Variants in WDR90 observed in about 807,000 individuals in gnomAD.
WDR90 encodes WD repeat-containing protein 90.
In WDR90, 238 loss-of-function variants were observed where a neutral mutation model predicts 195.2. The observed-to-expected ratio is 1.22, with a 90% CI of 1.10 to 1.36. The LOEUF is 1.36. Among genes scored for constraint, WDR90 ranks in the 40% most tolerant of loss-of-function variants. The pLI, the probability that WDR90 is intolerant of heterozygous loss-of-function variation, is 0.00. For missense variants in WDR90, 2,734 were observed against 2,439.5 expected (o/e 1.12, Z -2.54); for synonymous variants, 1,265 against 1,052.4 (o/e 1.20, Z -3.91).
Position 666,135 on chromosome 16 carries a change from G to C in WDR90, c.4609+11G>C. 1 of 1,608,114 alleles carries C rather than the reference G, an allele frequency of 6.2e-7. No homozygotes were observed. The highest frequency in any genetic ancestry group is 1.1e-5 in the South Asian group (1 of 90,986). On this transcript the variant is annotated intron_variant, in intron 36 of 40. Coordinates refer to ENST00000293879, the MANE Select transcript of WDR90 (RefSeq NM_145294.5). ...CCTTCTCCACCGATGGTGAGGAGTT[G>C]GGTGTGTTGGGGATGGTGCCGTCCT...
chr16:663,645 C>T (rs1328840005), intron 34 of WDR90: 1 of 154,124 alleles, frequency 6.5e-6, no homozygotes, highest in Admixed American at 6.4e-5. Context: ...CCAGCTCTGG[C>T]CTGCAGCCTC....
chr16:661,400 G>T lies in WDR90; in HGVS notation c.3572G>T (p.Trp1191Leu). 1 of 1,612,066 alleles carries T rather than the reference G, an allele frequency of 6.2e-7. No individual in the cohort carries two copies. ...ACCGCCCATTGTCAGATCCGCGTCT[G>T]GGACGTGTCTGGCGGCCTCTGCCAG... The part of the protein sequence containing the change: ...STTAHCQIRV[W>L]DVSGGLCQHL... Residue 1191 changes from tryptophan (W) to leucine (L), a missense_variant, in exon 30 of 41, where the codon TGG (tryptophan) becomes TTG (leucine). Transcript: ENST00000293879.
chr16:651,649 C>A lies in WDR90; in HGVS notation c.742C>A (p.Leu248Met), dbSNP rs1346813692. Reference sequence around the variant, plus strand: ...GGTTCTTTGCTCTGTTCTAGTCCTCCTGGGGCCGGGGCCACAGCCTCTCCC... The same window carrying A: ...GGTTCTTTGCTCTGTTCTAGTCCTCATGGGGCCGGGGCCACAGCCTCTCCC... Reference protein sequence around the residue: ...KSCSPPEAVLLGPGPQPLPCP... With the variant: ...KSCSPPEAVLMGPGPQPLPCP... Residue 248 changes from leucine (L) to methionine (M), a missense_variant, in exon 8 of 41, where the codon CTG becomes ATG. By Grantham distance (15) the Leu-to-Met change is conservative. Transcript: ENST00000293879. 1 of 1,612,526 alleles carries A rather than the reference C, an allele frequency of 6.2e-7. No homozygotes were observed. Among genetic ancestry groups the A allele is most frequent in the South Asian group, 1.1e-5 (1 of 91,078 alleles).
chr16:655,444 G>C lies in WDR90; in HGVS notation c.1694G>C (p.Cys565Ser). Reference protein sequence around the residue: ...DLAFKQARDGCPEPSAAMLFV... With the variant: ...DLAFKQARDGSPEPSAAMLFV... ...GCCTTCAAGCAGGCCCGGGACGGCT[G>C]CCCGGAGCCCTCGGCTGCCATGCTG... The change falls in exon 15 of 41, where the codon TGC becomes TCC. Residue 565 changes from cysteine to serine, a missense_variant. Transcript: ENST00000293879. 6.4e-7 allele frequency: 1 copy of C among 1,554,956 alleles called. No individual in the cohort carries two copies. Among genetic ancestry groups the C allele is most frequent in the Non-Finnish European group, 8.7e-7 (1 of 1,153,308 alleles).
rs1327206833 is a variant in WDR90 at position 658,941 on chromosome 16, C to T, written c.2941C>T (p.Pro981Ser). The change falls in exon 24 of 41, where the codon CCT (proline) becomes TCT (serine). Residue 981 changes from proline (P) to serine (S), a missense_variant. Pro to Ser is a moderately conservative substitution (Grantham distance 74). Coordinates refer to ENST00000293879, the MANE Select transcript of WDR90 (RefSeq NM_145294.5). Reference protein sequence around the residue: ...SEPVQAVAFSPDQQQVLSAGD... With the variant: ...SEPVQAVAFSSDQQQVLSAGD... ...ACCCGTGCAGGCTGTGGCCTTCTCT[C>T]CTGACCAGCAGCAGGTCCTCAGCGC... The T allele has an allele frequency of 1.2e-6, 2 of 1,612,726 alleles. No homozygotes were observed. Among genetic ancestry groups the T allele is most frequent in the Non-Finnish European group, 1.7e-6 (2 of 1,179,996 alleles).
Position 661,190 on chromosome 16 carries a change from C to T in WDR90, c.3513+18C>T. 2 of 1,530,092 alleles carry T rather than the reference C, an allele frequency of 1.3e-6. No individual in the cohort carries two copies. Among genetic ancestry groups the T allele is most frequent in the Non-Finnish European group, 8.7e-7 (1 of 1,142,906 alleles). The allele number at this position is 1,530,092 out of a possible 1,614,324, so 94.8% of individuals were successfully genotyped here. ...GTGCCCAGGTGCCCGCCTGCATCGC[C>T]CTCCTCCTCTCCCAGGGCCACCGTG... On this transcript the variant is annotated intron_variant, in intron 29 of 40. Coordinates refer to ENST00000293879, the MANE Select transcript of WDR90 (RefSeq NM_145294.5).
At chr16:659,952 T>C in intron 26 of WDR90, 106 bp from the exon 27 acceptor site, 1 of 867,670 alleles carries the variant, frequency 1.2e-6, no homozygotes, top group Non-Finnish European at 1.7e-6. Flanking sequence ...CGTGCAGTTC[T>C]CACTGTGTGG....
intron 23 of WDR90, 54 bp downstream of exon 23, chr16:658,707 C>T: frequency 3.8e-6 from 6 of 1,584,696 alleles, no homozygotes; most frequent in South Asian, 1.1e-5. Flanking sequence ...CCTCAGGTGG[C>T]CCTGGAGACC....
intron 28 of WDR90, 47 bp from the exon 29 acceptor site, chr16:661,004 C>T: frequency 1.1e-5 from 1 of 87,634 alleles, no homozygotes; most frequent in Non-Finnish European, 1.7e-5. Flanking sequence ...CTCCCCGCCC[C>T]CCCCCCCCCC....
chr16:660,539 C>A, intron 27 of WDR90, 73 bp from the exon 28 acceptor site: 1 of 1,467,252 alleles, frequency 6.8e-7, no homozygotes, highest in South Asian at 1.2e-5. Context: ...CCAACACAGC[C>A]TCCCATGTGC....
intron 35 of WDR90, 40 bp from the exon 36 acceptor site, chr16:665,910 C>A: frequency 6.4e-7 from 1 of 1,563,418 alleles, no homozygotes; most frequent in Admixed American, 1.8e-5. Flanking sequence ...GTCCTCAGGG[C>A]CCCTGTGAGT....
intron 11 of WDR90, 35 bp from the exon 12 acceptor site, chr16:653,490 G>A (rs751624422): frequency 5.0e-6 from 8 of 1,612,566 alleles, no homozygotes; most frequent in Non-Finnish European, 6.8e-6. Context: ...CACACCTGCA[G>A]CCCCTACACC....
chr16:654,080 T>G (rs2037698091), intron 13 of WDR90: 1 of 482,834 alleles, frequency 2.1e-6, no homozygotes, highest in Admixed American at 3.8e-5. Flanking sequence ...TCTCTGCTGG[T>G]GATGCGGTTG....
In WDR90 at chr16:667,537, T is replaced by C. The variant is rs1596475664; in HGVS notation, c.5195T>C (p.Leu1732Pro). The C allele has an allele frequency of 6.2e-7, 1 of 1,612,160 alleles. No individual in the cohort carries two copies. Among genetic ancestry groups the C allele is most frequent in the Non-Finnish European group, 8.5e-7 (1 of 1,179,988 alleles). ...AGGTTTACACCGTCCGCCAGGCTGCTCTTCACGGCCGCCCGCAACGAGATC... is the reference window on the plus strand; with the variant it reads ...AGGTTTACACCGTCCGCCAGGCTGCCCTTCACGGCCGCCCGCAACGAGATC... ...LCRFTPSARL[L>P]FTAARNEILV... Residue 1732 changes from leucine to proline, a missense_variant, in exon 41 of 41, where the codon CTC becomes CCC. By Grantham distance (98) the Leu-to-Pro change is moderately conservative. Transcript: ENST00000293879.
In WDR90 at chr16:666,121, G is replaced by C; in HGVS notation, c.4606G>C (p.Asp1536His). ...GCTGACCACTGTTGCCTTCTCCACC[G>C]ATGGTGAGGAGTTGGGTGTGTTGGG... The part of the protein sequence containing the change: ...VALTTVAFST[D>H]GQTVLSGDKD... The change falls in exon 36 of 41, where the codon GAT becomes CAT. Residue 1536 changes from aspartate (D) to histidine (H), a missense_variant. By Grantham distance (81) the Asp-to-His change is moderately conservative (BLOSUM62 -1). Coordinates refer to ENST00000293879, the MANE Select transcript of WDR90 (RefSeq NM_145294.5). The C allele has an allele frequency of 6.2e-7, 1 of 1,609,380 alleles. No homozygotes were observed.
At chr16:665,495 G>C (rs980454726) in intron 34 of WDR90, 184 bp from the exon 35 acceptor site, 1 of 911,758 alleles carries the variant, frequency 1.1e-6, no homozygotes, top group East Asian at 2.7e-5. Flanking sequence ...GACTCACCCA[G>C]ATCTAGTGCA....
intron 14 of WDR90, 73 bp from the exon 15 acceptor site, chr16:655,234 T>C (rs1432465480): frequency 3.1e-6 from 5 of 1,612,064 alleles, no homozygotes; most frequent in Non-Finnish European, 4.2e-6. Context: ...CTGGCTTGGC[T>C]GTGCGTCTCT....
At chr16:665,517 G>A (rs2038005413) in intron 34 of WDR90, 162 bp from the exon 35 acceptor site, 9 of 1,114,378 alleles carry the variant, frequency 8.1e-6, no homozygotes, top group East Asian at 2.5e-5. Flanking sequence ...GGACACACAC[G>A]GGGGCCGGCA....
At position 657,960 on chromosome 16, in the gene WDR90, G is replaced by A. The variant is rs527434037; in HGVS notation, c.2604+68G>A. On this transcript the variant is annotated intron_variant, in intron 21 of 40. Transcript: ENST00000293879. ...AGAGGCTGGCTGCAGGGGCAGGAGG[G>A]AGGTCACGGCCACTCGGGAGCAGGA... The A allele has an allele frequency of 6.1e-6, 9 of 1,486,360 alleles. No homozygotes were observed. In the East Asian group the frequency reaches 2.0e-4, roughly 33 times the overall value. The allele number at this position is 1,486,360 out of a possible 1,614,324, so 92.1% of individuals were successfully genotyped here.
Sources: allele counts gnomAD v4.1 joint callset, GRCh38; gene constraint gnomAD v4.1.1; transcripts MANE v1.5; gene names NCBI Gene and HGNC (gene_info 2026-07-23, HGNC 2026-07-21).